The following MEF2C variants were observed in gnomAD, a reference collection of about 807,000 sequenced individuals.
MEF2C encodes myocyte-specific enhancer factor 2C.
A neutral mutation model predicts 50.5 loss-of-function variants in MEF2C; 6 were observed. The observed-to-expected ratio is 0.12, with a 90% CI of 0.07 to 0.23. The LOEUF is 0.23. Ranked by LOEUF, MEF2C falls within the 10% of genes least tolerant of loss-of-function variation. The pLI, the probability that MEF2C is intolerant of heterozygous loss-of-function variation, is 1.00. For missense variants in MEF2C, 276 were observed against 605.0 expected, an observed-to-expected ratio of 0.46 and a Z score of 5.70; for synonymous variants, 183 against 228.0, an observed-to-expected ratio of 0.80 and a Z score of 1.78.
At chr5:88,779,539 T>A (rs929494246) in intron 3 of MEF2C, among the ~76,000 whole-genome samples, 1 of 152,104 alleles carries the variant, frequency 6.6e-6, no homozygotes, top group African/African-American at 2.4e-5. Context: ...TATTTTGTGC[T>A]GGAAACTGCC....
chr5:88,734,479 C>T lies in MEF2C; in HGVS notation c.638-2578G>A, dbSNP rs115533729. The T allele has an allele frequency of 8.5e-4, 832 of 981,408 alleles. 6 individuals are homozygous for T. The African/African-American group carries it at 0.014, about 17-fold the overall frequency. The allele number at this position is 981,408 out of a possible 1,614,324, so 60.8% of individuals were successfully genotyped here. A position where few individuals can be genotyped will look rare whatever the true frequency, so the allele number is the denominator to read the frequency against. On this transcript the variant is annotated intron_variant, in intron 6 of 10. Transcript: ENST00000504921. ...TTGCTAAAAGGAAGTAAAACCGCTT[C>T]GTGAAATGTGTTGTCCTGTGATATG...
chr5:88,822,005 G>A (rs2153217831), intron 2 of MEF2C, among the ~76,000 whole-genome samples: 1 of 151,866 alleles, frequency 6.6e-6, no homozygotes, highest in East Asian at 1.9e-4. Flanking sequence ...TTGTATACCT[G>A]TATCAAAACA....
At chr5:88,829,949 A>G (rs1396816222) in intron 1 of MEF2C, among the ~76,000 whole-genome samples, 1 of 152,000 alleles carries the variant, frequency 6.6e-6, no homozygotes. Context: ...TGCTGCTCGT[A>G]TGATTGCTTC....
intron 9 of MEF2C, 67 bp from the exon 10 acceptor site, chr5:88,728,695 T>A: frequency 1.7e-6 from 2 of 1,167,896 alleles, no homozygotes; most frequent in Middle Eastern, 2.8e-4. Flanking sequence ...GTAAATAGAA[T>A]AAACATTTTC....
At chr5:88,854,810 T>A (rs571501799) in intron 1 of MEF2C, among the ~76,000 whole-genome samples, 259 of 152,328 alleles carry the variant, frequency 1.7e-3, no homozygotes, top group Middle Eastern at 3.4e-3. Context: ...CACACAGACC[T>A]TGAGAATCAT....
At chr5:88,862,999 A>G (rs1234252438) in intron 1 of MEF2C, among the ~76,000 whole-genome samples, 2 of 152,198 alleles carry the variant, frequency 1.3e-5, no homozygotes, top group Admixed American at 6.5e-5. Context: ...ATGGCAGGCC[A>G]TACGAAAAAC....
Position 88,863,788 on chromosome 5 carries a change from G to A in MEF2C, c.-143+19167C>T, listed in dbSNP as rs1311962647. On this transcript the variant is annotated intron_variant, in intron 1 of 10. Transcript: ENST00000504921. Reference sequence around the variant, plus strand: ...ATTTCACTTAACGTAATGTCTTTTAGGTTCATTCATGTTGCAAATGACAGA... The same window carrying A: ...ATTTCACTTAACGTAATGTCTTTTAAGTTCATTCATGTTGCAAATGACAGA... Among the ~76,000 whole-genome samples the A allele has an allele frequency of 4.0e-5, 6 of 151,558 alleles. 1 individual carries two copies.
chr5:88,872,518 T>C (rs950695938), intron 1 of MEF2C, among the ~76,000 whole-genome samples: 1 of 152,046 alleles, frequency 6.6e-6, no homozygotes, highest in Non-Finnish European at 1.5e-5. Context: ...CCAAATTTAA[T>C]GGACTGAAAG....
chr5:88,865,624 G>A (rs889069914), intron 1 of MEF2C, among the ~76,000 whole-genome samples: 4 of 152,164 alleles, frequency 2.6e-5, no homozygotes, highest in Admixed American at 2.0e-4. Context: ...GTCTTAGAGC[G>A]TGCTTTACAG....
At chr5:88,733,841 A>C (rs1384170484) in intron 6 of MEF2C, 1 of 985,284 alleles carries the variant, frequency 1.0e-6, no homozygotes. Context: ...GACAGGACTC[A>C]CTTAAGAAAT....
intron 1 of MEF2C, among the ~76,000 whole-genome samples, chr5:88,870,917 C>T (rs962324805): frequency 6.6e-6 from 1 of 152,046 alleles, no homozygotes; most frequent in Non-Finnish European, 1.5e-5. Flanking sequence ...AAAGATGCCA[C>T]AATTCAAATA....
Position 88,823,711 on chromosome 5 carries a change from A to G in MEF2C, c.54+24T>C, listed in dbSNP as rs771077917. On this transcript the variant is annotated intron_variant, in intron 2 of 10. Transcript: ENST00000504921. Reference sequence around the variant, plus strand: ...GAAAATATAATTAATAAATAATGATACAAAAAAAGTTTACTCCACTCACCT... The same window carrying G: ...GAAAATATAATTAATAAATAATGATGCAAAAAAAGTTTACTCCACTCACCT... 3.2e-6 allele frequency: 5 copies of G among 1,575,384 alleles called. No individual in the cohort carries two copies. The Admixed American group carries it at 6.9e-5, about 22-fold the overall frequency.
chr5:88,851,631 A>G (rs1296038224), intron 1 of MEF2C, among the ~76,000 whole-genome samples: 1 of 152,032 alleles, frequency 6.6e-6, no homozygotes, highest in Admixed American at 6.6e-5. Flanking sequence ...CTGCTTGCTA[A>G]GGTTCTATAC....
rs1469299994 is a variant in MEF2C at position 88,719,255 on chromosome 5, C to G, written c.*3349G>C. On this transcript the variant is annotated 3_prime_UTR_variant, in exon 11 of 11. Coordinates refer to ENST00000504921, the MANE Select transcript of MEF2C (RefSeq NM_002397.5). Reference sequence around the variant, plus strand: ...TAACTTTTAAATGATCTGGGGATGACAGGTATTTTTATATTCATCATTACA... The same window carrying G: ...TAACTTTTAAATGATCTGGGGATGAGAGGTATTTTTATATTCATCATTACA... 6.6e-6 allele frequency: 1 copy of G among 152,122 alleles called. No homozygotes were observed. Among genetic ancestry groups the G allele is most frequent in the Non-Finnish European group, 1.5e-5 (1 of 68,018 alleles). The allele number at this position is 152,122 out of a possible 1,614,324, so 9.4% of individuals were successfully genotyped here. A position where few individuals can be genotyped will look rare whatever the true frequency, so the allele number is the denominator to read the frequency against.
At chr5:88,846,225 G>A (rs1224630035) in intron 1 of MEF2C, among the ~76,000 whole-genome samples, 2 of 151,928 alleles carry the variant, frequency 1.3e-5, no homozygotes, top group East Asian at 1.9e-4. Context: ...CCGCCACCAC[G>A]CCAGGCTAAT....
chr5:88,818,267 C>G (rs1562206419), intron 2 of MEF2C, among the ~76,000 whole-genome samples: 2 of 151,680 alleles, frequency 1.3e-5, no homozygotes, highest in African/African-American at 4.8e-5. Flanking sequence ...AAACAAGCAC[C>G]CCCAAAACCA....
At chr5:88,759,728 TG>T (rs568762038) in intron 4 of MEF2C, among the ~76,000 whole-genome samples, 77 of 152,360 alleles carry the variant, frequency 5.1e-4, no homozygotes, top group African/African-American at 1.7e-3. Flanking sequence ...CATGATACAG[TG>T]TATTAATAAT....
rs1417553919 is a variant in MEF2C, at chr5:88,719,485, G to A, written c.*3119C>T. The A allele has an allele frequency of 6.6e-6, 1 of 152,120 alleles. No homozygotes were observed. The highest frequency in any genetic ancestry group is 2.4e-5 in the African/African-American group (1 of 41,432). 9.4% of individuals were successfully genotyped at this position (152,120 alleles called of 1,614,324 possible). A position where few individuals can be genotyped will look rare whatever the true frequency, so the allele number is the denominator to read the frequency against. On this transcript the variant is annotated 3_prime_UTR_variant, in exon 11 of 11. Transcript: ENST00000504921. Reference sequence around the variant, plus strand: ...AATAGGATTAGATATAACAATACTCGCAGCCGTGTAAAATGCCACTTATGG... The same window carrying A: ...AATAGGATTAGATATAACAATACTCACAGCCGTGTAAAATGCCACTTATGG...
At chr5:88,882,262 G>T (rs1367659537) in intron 1 of MEF2C, among the ~76,000 whole-genome samples, 2 of 152,164 alleles carry the variant, frequency 1.3e-5, no homozygotes, top group Admixed American at 1.3e-4. Flanking sequence ...ACTTAACCTT[G>T]CTTGCTTTTA....
Sources: gnomAD v4.1 joint callset for allele counts (sites outside exome capture counted in the v4.1 genomes callset) on GRCh38, gnomAD v4.1.1 for gene constraint, MANE v1.5 for transcripts, NCBI Gene and HGNC (gene_info 2026-07-23, HGNC 2026-07-21) for gene names.